SLC16A7: variants seen among roughly 807,000 people sequenced by gnomAD.
SLC16A7 encodes the protein monocarboxylate transporter 2.
A neutral mutation model predicts 34.9 loss-of-function variants in SLC16A7; 33 were observed. The ratio of observed to expected loss-of-function variants is 0.94; its 90% CI spans 0.72 to 1.26. SLC16A7 has a LOEUF of 1.26. Among genes scored for constraint, SLC16A7 ranks in the 50% most tolerant of loss-of-function variants. The pLI is 0.00. For synonymous variants in SLC16A7, 201 were observed against 206.6 expected, an observed-to-expected ratio of 0.97 and a Z score of 0.23; for missense variants, 573 against 578.1, an observed-to-expected ratio of 0.99 and a Z score of 0.09.
intron 2 of SLC16A7, among the ~76,000 whole-genome samples, chr12:59,693,631 G>A (rs1163821151): frequency 6.6e-6 from 1 of 151,886 alleles, no homozygotes; most frequent in African/African-American, 2.4e-5. Flanking sequence ...CAGCACAGGT[G>A]TAAATAAGCT....
At chr12:59,676,923 T>A (rs1260777562) in intron 2 of SLC16A7, among the ~76,000 whole-genome samples, 1 of 152,198 alleles carries the variant, frequency 6.6e-6, no homozygotes, top group Admixed American at 6.5e-5. Flanking sequence ...TCCAGAGGAC[T>A]ACCATTCAAC....
chr12:59,634,270 A>G (rs1665545946), intron 1 of SLC16A7, among the ~76,000 whole-genome samples: 1 of 152,076 alleles, frequency 6.6e-6, no homozygotes, highest in Non-Finnish European at 1.5e-5. Context: ...TGGGAGGTAC[A>G]TGATAAGTGC....
chr12:59,759,824 G>T (rs1238554131), intron 3 of SLC16A7, among the ~76,000 whole-genome samples: 1 of 151,834 alleles, frequency 6.6e-6, no homozygotes, highest in African/African-American at 2.4e-5. Flanking sequence ...AATTATTTTT[G>T]GTCAGTTCCT....
intron 1 of SLC16A7, among the ~76,000 whole-genome samples, chr12:59,624,603 T>C (rs943575839): frequency 2.0e-5 from 3 of 151,818 alleles, no homozygotes; most frequent in Non-Finnish European, 4.4e-5. Flanking sequence ...TCAACATGTT[T>C]TGAATCACCT....
At chr12:59,765,875 A>C (rs138802660) in intron 3 of SLC16A7, among the ~76,000 whole-genome samples, 11,814 of 152,078 alleles carry the variant, frequency 0.078, 547 homozygotes, top group Middle Eastern at 0.17. Flanking sequence ...TGAAGAAAGT[A>C]ATTGGTAGCT....
At chr12:59,634,102 A>G (rs1210733293) in intron 1 of SLC16A7, among the ~76,000 whole-genome samples, 2 of 152,048 alleles carry the variant, frequency 1.3e-5, no homozygotes, top group Non-Finnish European at 2.9e-5. Context: ...CCGTAGTCAC[A>G]TGGTTAGGAT....
At chr12:59,627,806 C>G (rs1026624481) in intron 1 of SLC16A7, among the ~76,000 whole-genome samples, 1 of 151,260 alleles carries the variant, frequency 6.6e-6, no homozygotes, top group African/African-American at 2.4e-5. Context: ...CTGATGATTT[C>G]TAGGCCTACA....
intron 4 of SLC16A7, among the ~76,000 whole-genome samples, chr12:59,774,055 C>T (rs1222017013): frequency 6.6e-6 from 1 of 152,112 alleles, no homozygotes; most frequent in African/African-American, 2.4e-5. Flanking sequence ...AAGCAAAAAC[C>T]TCCTTTTTAC....
chr12:59,610,203 A>G (rs1879132215), intron 1 of SLC16A7, among the ~76,000 whole-genome samples: 1 of 152,194 alleles, frequency 6.6e-6, no homozygotes, highest in Admixed American at 6.5e-5. Flanking sequence ...TGTTCTTTTA[A>G]AATGTGGTAG....
chr12:59,769,447 C>T (rs192526595), intron 3 of SLC16A7: 1 of 152,182 alleles, frequency 6.6e-6, no homozygotes, highest in Non-Finnish European at 1.5e-5. Flanking sequence ...TTTTATACAA[C>T]TTGTACAATT....
chr12:59,735,116 TA>T (rs777643807), intron 3 of SLC16A7, among the ~76,000 whole-genome samples: 3 of 152,334 alleles, frequency 2.0e-5, no homozygotes, highest in African/African-American at 4.8e-5. Context: ...GCTGAACGGC[TA>T]AGGTATAAAT....
intron 1 of SLC16A7, among the ~76,000 whole-genome samples, chr12:59,652,942 C>T (rs1311893656): frequency 1.3e-5 from 2 of 151,572 alleles, no homozygotes; most frequent in African/African-American, 2.4e-5. Flanking sequence ...AAAGGCATGC[C>T]GAAACAAATA....
chr12:59,723,019 T>C (rs890653272), intron 3 of SLC16A7, among the ~76,000 whole-genome samples: 2 of 151,932 alleles, frequency 1.3e-5, no homozygotes, highest in Non-Finnish European at 2.9e-5. Flanking sequence ...ATGGTTACCA[T>C]ACTGGACAAT....
intron 2 of SLC16A7, among the ~76,000 whole-genome samples, chr12:59,657,332 A>G (rs1471551899): frequency 6.6e-6 from 1 of 151,914 alleles, no homozygotes; most frequent in South Asian, 2.1e-4. Context: ...GCAATTTTGT[A>G]TATTCTATAA....
intron 2 of SLC16A7, among the ~76,000 whole-genome samples, chr12:59,687,152 A>T: frequency 6.6e-6 from 1 of 151,816 alleles, no homozygotes; most frequent in Non-Finnish European, 1.5e-5. Context: ...TGGCTTAGTG[A>T]CCTTGTTTTT....
chr12:59,660,987 CT>C (rs1868818718), intron 2 of SLC16A7, among the ~76,000 whole-genome samples: 1 of 152,038 alleles, frequency 6.6e-6, no homozygotes, highest in Admixed American at 6.6e-5. Context: ...ATTAAAATAC[CT>C]ATTCTACTAT....
intron 2 of SLC16A7, among the ~76,000 whole-genome samples, chr12:59,669,685 C>CACACACACACACACACAT (rs71074381): frequency 6.6e-6 from 1 of 151,340 alleles, no homozygotes; most frequent in Non-Finnish European, 1.5e-5. Context: ...CACACACACA[C>CACACACACACACACACAT]GATTTATCTA....
chr12:59,771,549 A>C (rs893210097), intron 4 of SLC16A7, among the ~76,000 whole-genome samples, 187 bp downstream of exon 4: 2 of 152,152 alleles, frequency 1.3e-5, no homozygotes, highest in African/African-American at 4.8e-5. Flanking sequence ...TTCATTTTTA[A>C]AAAAATAAAA....
chr12:59,758,701 A>G (rs922379160), intron 3 of SLC16A7, among the ~76,000 whole-genome samples: 1 of 152,122 alleles, frequency 6.6e-6, no homozygotes, highest in African/African-American at 2.4e-5. Flanking sequence ...TGGCATTTCT[A>G]TAAATTTAAC....
Sources: allele counts gnomAD v4.1 joint callset (sites outside exome capture counted in the v4.1 genomes callset), GRCh38; gene constraint gnomAD v4.1.1; transcripts MANE v1.5; gene names NCBI Gene and HGNC (gene_info 2026-07-23, HGNC 2026-07-21).